NOS1: variants seen among roughly 807,000 people sequenced by gnomAD.
NOS1 encodes NOS type I.
Under a neutral mutation model 164.5 loss-of-function variants are expected in NOS1, and 51 were observed. The ratio of observed to expected loss-of-function variants is 0.31; its 90% CI spans 0.25 to 0.39. The LOEUF is 0.39. NOS1 is among the 10% of genes least tolerant of loss of function. The pLI is 1.00. For synonymous variants in NOS1, 719 were observed against 745.8 expected, an observed-to-expected ratio of 0.96 and a Z score of 0.59; for missense variants, 1,362 against 1,885.6, an observed-to-expected ratio of 0.72 and a Z score of 5.14.
rs1051469213 is a variant in NOS1, at chr12:117,280,963, G to A, written c.1383-97C>T. On this transcript the variant is annotated intron_variant, in intron 7 of 28. Transcript: ENST00000317775. ...CCACCCAGGGCGACAGCTGCTTGAGGCTCAGGGTAGATTACCTCCGTGCCA... is the reference window on the plus strand; with the variant it reads ...CCACCCAGGGCGACAGCTGCTTGAGACTCAGGGTAGATTACCTCCGTGCCA... 11 of 1,412,684 alleles carry A rather than the reference G, an allele frequency of 7.8e-6. No homozygotes were observed. The Admixed American group carries it at 2.0e-4, about 25-fold the overall frequency. 87.5% of individuals were successfully genotyped at this position (1,412,684 alleles called of 1,614,324 possible).
chr12:117,313,882 C>A (rs1045986249), intron 2 of NOS1, among the ~76,000 whole-genome samples: 1 of 152,226 alleles, frequency 6.6e-6, no homozygotes, highest in African/African-American at 2.4e-5. Context: ...CTGGGCAATG[C>A]AGCTTGCCCT....
At chr12:117,322,240 CTCCT>C (rs1251231456) in intron 2 of NOS1, among the ~76,000 whole-genome samples, 1 of 132,534 alleles carries the variant, frequency 7.5e-6, no homozygotes, top group Non-Finnish European at 1.6e-5. Context: ...CCCTTCCTCC[CTCCT>C]TCCTTCCCTC....
At chr12:117,321,244 AG>A (rs1230446246) in intron 2 of NOS1, among the ~76,000 whole-genome samples, 2 of 152,144 alleles carry the variant, frequency 1.3e-5, no homozygotes, top group African/African-American at 2.4e-5. Context: ...TCCTGACCTC[AG>A]GTGATCCACC....
chr12:117,223,041 G>A (rs1010802178), intron 25 of NOS1, among the ~76,000 whole-genome samples, 178 bp from the exon 26 acceptor site: 7 of 152,108 alleles, frequency 4.6e-5, no homozygotes, highest in Admixed American at 3.3e-4. Context: ...TCACATGCAC[G>A]CACATGCACA....
intron 11 of NOS1, 67 bp from the exon 12 acceptor site, chr12:117,265,577 C>A: frequency 8.1e-7 from 1 of 1,232,114 alleles, no homozygotes. Flanking sequence ...ACTCCCTGCC[C>A]CAAAGAGCAG....
chr12:117,258,094 C>T (rs369406172), intron 16 of NOS1, among the ~76,000 whole-genome samples: 26 of 152,104 alleles, frequency 1.7e-4, no homozygotes, highest in African/African-American at 4.8e-4. Context: ...TGAGCCACCA[C>T]GCCCAGCACA....
intron 17 of NOS1, 69 bp downstream of exon 17, chr12:117,253,569 G>C: frequency 1.9e-6 from 2 of 1,034,328 alleles, no homozygotes; most frequent in Non-Finnish European, 3.0e-6. Flanking sequence ...CGCTCACTTT[G>C]TAAGTAGGTC....
rs563035064 is a variant in NOS1 at position 117,331,413 on chromosome 12, A to C, written c.-344T>G. 159 of 282,040 alleles carry C rather than the reference A, an allele frequency of 5.6e-4. 2 individuals carry two copies. Among genetic ancestry groups the C allele is most frequent in the Middle Eastern group, 4.5e-3 (4 of 890 alleles). The allele number at this position is 282,040 out of a possible 1,614,324, so 17.5% of individuals were successfully genotyped here. A position where few individuals can be genotyped will look rare whatever the true frequency, so the allele number is the denominator to read the frequency against. On this transcript the variant is annotated 5_prime_UTR_variant, in exon 2 of 29. The change abolishes an upstream ATG in the 5' untranslated region. Coordinates refer to ENST00000317775, the MANE Select transcript of NOS1 (RefSeq NM_000620.5). ...TGATGGCTGTGTCTAGAAGTGACGCATGATAGATGTGAACTATTCTCTGGG... is the reference window on the plus strand; with the variant it reads ...TGATGGCTGTGTCTAGAAGTGACGCCTGATAGATGTGAACTATTCTCTGGG...
In NOS1 at chr12:117,212,735, T is replaced by C. The variant is rs1275409892; in HGVS notation, c.*2574A>G. 1.0e-6 allele frequency: 1 copy of C among 985,346 alleles called. No homozygotes were observed. Among genetic ancestry groups the C allele is most frequent in the Non-Finnish European group, 1.2e-6 (1 of 829,958 alleles). The allele number at this position is 985,346 out of a possible 1,614,324, so 61.0% of individuals were successfully genotyped here. A position where few individuals can be genotyped will look rare whatever the true frequency, so the allele number is the denominator to read the frequency against. ...TTAATTCTATTTTGCACTTAAACGG[T>C]TGGCTACGAGGCCTGGATGAAAAGC... On this transcript the variant is annotated 3_prime_UTR_variant, in exon 29 of 29. Transcript: ENST00000317775.
chr12:117,252,755 G>A (rs1871191232), intron 17 of NOS1, among the ~76,000 whole-genome samples: 1 of 152,182 alleles, frequency 6.6e-6, no homozygotes, highest in Non-Finnish European at 1.5e-5. Context: ...TGTCCTGGAG[G>A]ACATAACAGA....
chr12:117,232,324 A>G (rs753858461), intron 21 of NOS1, among the ~76,000 whole-genome samples, 193 bp from the exon 22 acceptor site: 10 of 152,188 alleles, frequency 6.6e-5, no homozygotes, highest in Non-Finnish European at 1.0e-4. Context: ...CAAATCCCAA[A>G]TTAGGCAAAT....
At chr12:117,337,667 C>A (rs150155540) in intron 1 of NOS1, among the ~76,000 whole-genome samples, 1,721 of 152,190 alleles carry the variant, frequency 0.011, 35 homozygotes, top group African/African-American at 0.039. Flanking sequence ...TGAAACTGAC[C>A]TCTGGGAATA....
At chr12:117,285,810 G>A (rs913499799) in intron 6 of NOS1, among the ~76,000 whole-genome samples, 14 of 152,178 alleles carry the variant, frequency 9.2e-5, no homozygotes, top group African/African-American at 1.9e-4. Context: ...CTAAGTAGAT[G>A]CAAGACAAAA....
chr12:117,272,684 G>C lies in NOS1; in HGVS notation c.1665-125C>G. On this transcript the variant is annotated intron_variant, in intron 9 of 28. Transcript: ENST00000317775. The surrounding 1 kb of genome is among the most constrained non-coding windows in gnomAD (Gnocchi z 4.3). ...TGACAAGGTCAGAATATGGTTCCTGGGCCCTGCTTCAGATCTGTGGAATTG... is the reference window on the plus strand; with the variant it reads ...TGACAAGGTCAGAATATGGTTCCTGCGCCCTGCTTCAGATCTGTGGAATTG... The C allele has an allele frequency of 1.2e-6, 1 of 857,688 alleles. No homozygotes were observed. Among genetic ancestry groups the C allele is most frequent in the Admixed American group, 2.9e-5 (1 of 34,774 alleles). 53.1% of individuals were successfully genotyped at this position (857,688 alleles called of 1,614,324 possible). A position where few individuals can be genotyped will look rare whatever the true frequency, so the allele number is the denominator to read the frequency against.
intron 26 of NOS1, 42 bp downstream of exon 26, chr12:117,222,673 T>C: frequency 5.7e-6 from 9 of 1,590,160 alleles, no homozygotes; most frequent in Non-Finnish European, 7.7e-6. Context: ...CAAGTGTGCA[T>C]GTGTGTTGGG....
intron 2 of NOS1, among the ~76,000 whole-genome samples, chr12:117,322,979 T>C (rs976995583): frequency 6.7e-6 from 1 of 149,032 alleles, no homozygotes. Context: ...AATGTGGTGC[T>C]TAAATGGTGA....
At chr12:117,219,996 C>T in intron 27 of NOS1, 79 bp downstream of exon 27, 3 of 1,402,698 alleles carry the variant, frequency 2.1e-6, no homozygotes, top group Non-Finnish European at 2.9e-6. Flanking sequence ...CCCTAATCAT[C>T]AAGACAGGTT....
chr12:117,251,316 C>T (rs1279378102), intron 17 of NOS1, among the ~76,000 whole-genome samples: 1 of 152,012 alleles, frequency 6.6e-6, no homozygotes, highest in Non-Finnish European at 1.5e-5. Flanking sequence ...CCCAATGGAC[C>T]AAGGCTCCCA....
rs146158981 is a variant in NOS1 at position 117,354,207 on chromosome 12, C to T, written c.-421+7305G>A. 1.0e-4 allele frequency among the ~76,000 whole-genome samples: 15 copies of T among 150,294 alleles called. No homozygotes were observed. In the East Asian group the frequency reaches 2.7e-3, roughly 27 times the overall value. On this transcript the variant is annotated intron_variant, in intron 1 of 28. Coordinates refer to ENST00000317775, the MANE Select transcript of NOS1 (RefSeq NM_000620.5). ...CCTACACCTTGCCGGCAGCTGGAAG[C>T]GAAAATATTTATCTACGTATATGAG...
Sources: gnomAD v4.1 joint callset for allele counts (sites outside exome capture counted in the v4.1 genomes callset) on GRCh38, gnomAD v4.1.1 for gene constraint, Gnocchi (gnomAD v3.1) non-coding constraint, MANE v1.5 for transcripts, NCBI Gene and HGNC (gene_info 2026-07-23, HGNC 2026-07-21) for gene names.